BRINP1: variants seen among roughly 807,000 people sequenced by gnomAD.
BRINP1 encodes BMP/retinoic acid inducible neural specific 1, also known as BMP/retinoic acid-inducible neural-specific protein 1.
In BRINP1, 17 loss-of-function variants were observed where a neutral mutation model predicts 72.9. That is an observed-to-expected ratio of 0.23 (90% CI 0.16 to 0.35). BRINP1 has a LOEUF of 0.35. Among genes scored for constraint, BRINP1 ranks in the 10% least tolerant of loss-of-function variants. The pLI, the probability that BRINP1 is intolerant of heterozygous loss-of-function variation, is 1.00. For missense variants in BRINP1, 850 were observed against 1,001.6 expected, an observed-to-expected ratio of 0.85 and a Z score of 2.04; for synonymous variants, 418 against 378.5, an observed-to-expected ratio of 1.10 and a Z score of -1.21.
At chr9:119,228,231 C>T (rs542039967) in intron 5 of BRINP1, among the ~76,000 whole-genome samples, 2 of 151,924 alleles carry the variant, frequency 1.3e-5, no homozygotes, top group African/African-American at 4.8e-5. Context: ...TCATTATCTT[C>T]CACTGTCAGT....
intron 1 of BRINP1, among the ~76,000 whole-genome samples, chr9:119,322,601 G>T (rs1338450569): frequency 2.6e-5 from 4 of 152,176 alleles, no homozygotes; most frequent in African/African-American, 9.7e-5. Flanking sequence ...AGGTAGAAGG[G>T]AATGCCTCCT....
intron 2 of BRINP1, among the ~76,000 whole-genome samples, chr9:119,284,659 C>G (rs1830742356): frequency 6.6e-6 from 1 of 152,110 alleles, no homozygotes. Flanking sequence ...GGACCAATTT[C>G]CATTTTTTCA....
rs548028889 is a variant in BRINP1, at chr9:119,330,149, C to T, written c.-50-16744G>A. On this transcript the variant is annotated intron_variant, in intron 1 of 7. Transcript: ENST00000265922. ...AACCTTTTCCACATGTCTCAGAATT[C>T]GAAAAGACACTAGGAGTGCTCACCA... Among the ~76,000 whole-genome samples the T allele has an allele frequency of 2.0e-5, 3 of 152,236 alleles. 1 individual carries two copies. Among genetic ancestry groups the T allele is most frequent in the African/African-American group, 4.8e-5 (2 of 41,540 alleles).
At chr9:119,226,297 C>A (rs1830091825) in intron 5 of BRINP1, among the ~76,000 whole-genome samples, 1 of 151,992 alleles carries the variant, frequency 6.6e-6, no homozygotes, top group Non-Finnish European at 1.5e-5. Context: ...TTTGGCCATC[C>A]TGATGCCTCA....
At chr9:119,191,561 G>A (rs551723191) in intron 7 of BRINP1, among the ~76,000 whole-genome samples, 4 of 151,716 alleles carry the variant, frequency 2.6e-5, no homozygotes, top group African/African-American at 9.6e-5. Flanking sequence ...ATTTGACCAA[G>A]GAAGTTAAAG....
At chr9:119,302,714 C>T (rs1830951291) in intron 2 of BRINP1, among the ~76,000 whole-genome samples, 2 of 152,146 alleles carry the variant, frequency 1.3e-5, no homozygotes, top group Non-Finnish European at 2.9e-5. Flanking sequence ...ACAAGTATCC[C>T]CTCCTCTAAA....
At chr9:119,234,676 C>T (rs148660047) in intron 5 of BRINP1, among the ~76,000 whole-genome samples, 141 of 151,756 alleles carry the variant, frequency 9.3e-4, no homozygotes, top group Middle Eastern at 3.4e-3. Context: ...TGTTTTTTTG[C>T]ATCCTACTGA....
intron 2 of BRINP1, among the ~76,000 whole-genome samples, chr9:119,261,836 T>C (rs1335548273): frequency 6.6e-5 from 10 of 151,514 alleles, no homozygotes; most frequent in Non-Finnish European, 1.5e-4. Context: ...CTTTCTTCTT[T>C]CTTTCTCCTC....
intron 5 of BRINP1, among the ~76,000 whole-genome samples, chr9:119,221,162 CT>C (rs1354125310): frequency 2.6e-5 from 4 of 152,114 alleles, no homozygotes; most frequent in African/African-American, 9.7e-5. Context: ...AATGTGCCCC[CT>C]GTAGATATCT....
At chr9:119,313,517 A>C in intron 1 of BRINP1, 112 bp from the exon 2 acceptor site, 1 of 917,122 alleles carries the variant, frequency 1.1e-6, no homozygotes, top group South Asian at 1.8e-5. Context: ...AATGTGATTA[A>C]CACATCTTCA....
At chr9:119,280,196 C>T (rs1830695245) in intron 2 of BRINP1, among the ~76,000 whole-genome samples, 1 of 151,774 alleles carries the variant, frequency 6.6e-6, no homozygotes, top group African/African-American at 2.4e-5. Context: ...AGAAAAGATG[C>T]AGTTGGTTGT....
chr9:119,238,875 T>G, intron 4 of BRINP1, 115 bp from the exon 5 acceptor site: 1 of 618,782 alleles, frequency 1.6e-6, no homozygotes, highest in South Asian at 2.2e-5. Context: ...CTGGTTTGAG[T>G]CAATGGTCAC....
At chr9:119,168,934 A>C (rs184190958) in intron 7 of BRINP1, among the ~76,000 whole-genome samples, 1 of 152,194 alleles carries the variant, frequency 6.6e-6, no homozygotes, top group Non-Finnish European at 1.5e-5. Context: ...CGATTCCTCA[A>C]GGAGCTACAA....
intron 1 of BRINP1, among the ~76,000 whole-genome samples, chr9:119,323,424 A>G (rs1426395003): frequency 6.6e-6 from 1 of 152,214 alleles, no homozygotes; most frequent in Non-Finnish European, 1.5e-5. Flanking sequence ...CCTACAAGGG[A>G]AAACTGGGTG....
At chr9:119,308,403 T>C (rs1331091889) in intron 2 of BRINP1, among the ~76,000 whole-genome samples, 1 of 152,212 alleles carries the variant, frequency 6.6e-6, no homozygotes. Context: ...ACTCCACTTG[T>C]CTGTAAGCTC....
rs1367046667 is a variant in BRINP1, at chr9:119,318,557, G to C, written c.-50-5152C>G. On this transcript the variant is annotated intron_variant, in intron 1 of 7. Coordinates refer to ENST00000265922, the MANE Select transcript of BRINP1 (RefSeq NM_014618.3). ...AGCCTAAAACAAATCCGTACATGTT[G>C]AGTGCAGAACAGTAACAACTACGGC... Among the ~76,000 whole-genome samples the C allele has an allele frequency of 2.0e-5, 3 of 152,200 alleles. No individual in the cohort carries two copies. In the South Asian group the frequency reaches 6.2e-4, roughly 32 times the overall value.
At chr9:119,290,370 A>AATT (rs1175415423) in intron 2 of BRINP1, among the ~76,000 whole-genome samples, 134 of 152,272 alleles carry the variant, frequency 8.8e-4, no homozygotes, top group Non-Finnish European at 1.6e-4. Context: ...GTTACTATAA[A>AATT]ATTATTATTA....
chr9:119,366,504 G>A (rs10984508), intron 1 of BRINP1, among the ~76,000 whole-genome samples: 455 of 816 alleles, frequency 0.56, 132 homozygotes, highest in East Asian at 0.79. Context: ...CCCCACCACC[G>A]TGTGTGTGTG....
rs758808562 is a variant in BRINP1 at position 119,168,100 on chromosome 9, G to T, written c.1270C>A (p.Arg424Ser). 2 of 1,608,992 alleles carry T rather than the reference G, an allele frequency of 1.2e-6. No homozygotes were observed. The change falls in exon 8 of 8, where the codon CGC becomes AGC. Residue 424 changes from arginine (R) to serine (S), a missense_variant. By Grantham distance (110) the Arg-to-Ser change is moderately radical (BLOSUM62 -1). Coordinates refer to ENST00000265922, the MANE Select transcript of BRINP1 (RefSeq NM_014618.3). ...CCGCCTATCACGCAGGGGATGGGGCGCTGGCACAGCGTGGTGCTGCCGTGG... is the reference window on the plus strand; with the variant it reads ...CCGCCTATCACGCAGGGGATGGGGCTCTGGCACAGCGTGGTGCTGCCGTGG... ...VCHGSTTLCQ[R>S]PIPCVIGGNN...
Sources: allele counts gnomAD v4.1 joint callset (sites outside exome capture counted in the v4.1 genomes callset), GRCh38; gene constraint gnomAD v4.1.1; transcripts MANE v1.5; gene names NCBI Gene and HGNC (gene_info 2026-07-23, HGNC 2026-07-21).